RNLS: variants seen among roughly 807,000 people sequenced by gnomAD.
The protein encoded by RNLS is renalase, FAD dependent amine oxidase.
A neutral mutation model predicts 39.8 loss-of-function variants in RNLS; 39 were observed. That is an observed-to-expected ratio of 0.98 (90% CI 0.76 to 1.28). RNLS has a LOEUF of 1.28. RNLS is among the 50% of genes most tolerant of loss of function. RNLS has a pLI of 0.00. For synonymous variants in RNLS, 147 were observed against 150.7 expected, an observed-to-expected ratio of 0.98 and a Z score of 0.18; for missense variants, 410 against 413.3, an observed-to-expected ratio of 0.99 and a Z score of 0.07.
chr10:88,176,539 G>A, the RNLS span, among the ~76,000 whole-genome samples: 1 of 152,118 alleles, frequency 6.6e-6, no homozygotes, highest in Non-Finnish European at 1.5e-5. Flanking sequence ...AGGTAAGAAT[G>A]TACATCATTT....
At chr10:88,377,462 T>C (rs1190068879) in intron 4 of RNLS, among the ~76,000 whole-genome samples, 1 of 152,180 alleles carries the variant, frequency 6.6e-6, no homozygotes, top group Non-Finnish European at 1.5e-5. Flanking sequence ...TACACAAATG[T>C]AGCTAGTATA....
chr10:88,566,560 C>T lies in RNLS; in HGVS notation c.526+6343G>A, dbSNP rs1849511965. 2.0e-5 allele frequency among the ~76,000 whole-genome samples: 3 copies of T among 152,028 alleles called. No individual in the cohort carries two copies. In the South Asian group the frequency reaches 6.2e-4, roughly 32 times the overall value. ...AGGAAGCAAATTAGTTCAACAAACA[C>T]TCGGGCATTAGTTCAGTAACAGTAA... On this transcript the variant is annotated intron_variant, in intron 4 of 6. Coordinates refer to ENST00000331772, the MANE Select transcript of RNLS (RefSeq NM_001031709.3).
the RNLS span, among the ~76,000 whole-genome samples, chr10:88,267,531 C>T: frequency 6.6e-6 from 1 of 152,318 alleles, no homozygotes; most frequent in South Asian, 2.1e-4. Context: ...GCTACAATCA[C>T]ACCACTGTGC....
At chr10:88,378,559 T>G (rs1214808088) in intron 4 of RNLS, among the ~76,000 whole-genome samples, 1 of 152,230 alleles carries the variant, frequency 6.6e-6, no homozygotes, top group Non-Finnish European at 1.5e-5. Flanking sequence ...CTTGTTTGAC[T>G]GTAGGTCATA....
intron 4 of RNLS, among the ~76,000 whole-genome samples, chr10:88,492,372 A>G (rs1051814572): frequency 2.6e-5 from 4 of 152,050 alleles, no homozygotes; most frequent in Non-Finnish European, 4.4e-5. Context: ...ACGTATTTAT[A>G]GAAATAAAAT....
chr10:88,321,175 CCAAA>C (rs1846160584), intron 5 of RNLS, among the ~76,000 whole-genome samples: 1 of 151,974 alleles, frequency 6.6e-6, no homozygotes, highest in Admixed American at 6.6e-5. Context: ...AACATGGAAA[CCAAA>C]CAAACAACTT....
At chr10:88,293,798 C>T (rs902714447) in intron 6 of RNLS, among the ~76,000 whole-genome samples, 3 of 152,142 alleles carry the variant, frequency 2.0e-5, no homozygotes, top group South Asian at 4.1e-4. Flanking sequence ...GGAGAGATGG[C>T]GGCTAGGGAG....
chr10:88,411,041 AAAT>A (rs1257413905), intron 4 of RNLS, among the ~76,000 whole-genome samples: 1 of 152,148 alleles, frequency 6.6e-6, no homozygotes, highest in East Asian at 1.9e-4. Flanking sequence ...AAAGGAGGCT[AAAT>A]TCTCATGATT....
Position 88,285,270 on chromosome 10 carries a change from G to C in RNLS, c.*84C>G. ...AACAATTTTCCAGTAATTTTTCTTAGCAAAATAGAAAACAAAATAATCAAT... is the reference window on the plus strand; with the variant it reads ...AACAATTTTCCAGTAATTTTTCTTACCAAAATAGAAAACAAAATAATCAAT... On this transcript the variant is annotated 3_prime_UTR_variant, in exon 7 of 7. Coordinates refer to ENST00000331772, the MANE Select transcript of RNLS (RefSeq NM_001031709.3). The C allele has an allele frequency of 7.1e-7, 1 of 1,414,364 alleles. No individual in the cohort carries two copies. Among genetic ancestry groups the C allele is most frequent in the South Asian group, 1.8e-5 (1 of 56,874 alleles). 87.6% of individuals were successfully genotyped at this position (1,414,364 alleles called of 1,614,324 possible).
At chr10:88,221,955 G>A in the RNLS span, among the ~76,000 whole-genome samples, 2 of 152,256 alleles carry the variant, frequency 1.3e-5, no homozygotes, top group East Asian at 3.9e-4. Context: ...TGATCTCCAG[G>A]GTCTCAGCTT....
At chr10:88,345,461 G>C in intron 5 of RNLS, among the ~76,000 whole-genome samples, 1 of 152,072 alleles carries the variant, frequency 6.6e-6, no homozygotes, top group East Asian at 1.9e-4. Context: ...ATATTGTTTA[G>C]CCTTCCTAAT....
chr10:88,461,119 A>G (rs1416102708), intron 4 of RNLS, among the ~76,000 whole-genome samples: 2 of 152,130 alleles, frequency 1.3e-5, no homozygotes, highest in African/African-American at 4.8e-5. Context: ...GTTTCTCCAC[A>G]GTGCCAATCT....
the RNLS span, among the ~76,000 whole-genome samples, chr10:88,204,898 G>A: frequency 6.6e-6 from 1 of 152,134 alleles, no homozygotes; most frequent in Non-Finnish European, 1.5e-5. Context: ...GAAAGACATG[G>A]TCCTTACCCT....
At chr10:88,269,197 T>C (rs183014121), downstream of RNLS, among the ~76,000 whole-genome samples, 47 of 152,298 alleles carry the variant, frequency 3.1e-4, no homozygotes, top group East Asian at 2.5e-3. Context: ...CTTTTAAACA[T>C]ATTTGACAAC....
At chr10:88,559,498 TC>T (rs1207980200) in intron 4 of RNLS, among the ~76,000 whole-genome samples, 2 of 152,128 alleles carry the variant, frequency 1.3e-5, no homozygotes, top group Non-Finnish European at 2.9e-5. Flanking sequence ...CTTCTAAAAT[TC>T]CCCACCATAA....
At chr10:88,178,128 G>C in the RNLS span, among the ~76,000 whole-genome samples, 1 of 152,116 alleles carries the variant, frequency 6.6e-6, no homozygotes. Context: ...TGTTCCCCAG[G>C]GTGTAGGGTG....
At chr10:88,230,487 C>T in the RNLS span, among the ~76,000 whole-genome samples, 4 of 152,112 alleles carry the variant, frequency 2.6e-5, no homozygotes, top group Admixed American at 6.5e-5. Context: ...TGAGACCCGT[C>T]TTTCTGTCGT....
chr10:88,317,280 C>A (rs766688151), intron 5 of RNLS, among the ~76,000 whole-genome samples: 7 of 152,138 alleles, frequency 4.6e-5, no homozygotes, highest in Non-Finnish European at 7.4e-5. Context: ...TTTTTTCCAT[C>A]AATTAAAAGG....
intron 4 of RNLS, among the ~76,000 whole-genome samples, chr10:88,429,741 AT>A (rs1177486597): frequency 1.6e-4 from 24 of 151,898 alleles, no homozygotes; most frequent in South Asian, 6.2e-4. Context: ...TTATTCTATA[AT>A]TTTTTTCATG....
Sources: gnomAD v4.1 joint callset for allele counts (sites outside exome capture counted in the v4.1 genomes callset) on GRCh38, gnomAD v4.1.1 for gene constraint, MANE v1.5 for transcripts, NCBI Gene and HGNC (gene_info 2026-07-23, HGNC 2026-07-21) for gene names.